MBNL1: variants seen among roughly 807,000 people sequenced by gnomAD.
MBNL1 encodes the protein muscleblind-like protein 1.
Under a neutral mutation model 42.2 loss-of-function variants are expected in MBNL1, and 8 were observed. The observed-to-expected ratio is 0.19, with a 90% CI of 0.11 to 0.34. The LOEUF is 0.34. Ranked by LOEUF, MBNL1 falls within the 10% of genes least tolerant of loss-of-function variation. MBNL1 has a pLI of 1.00. For missense variants in MBNL1, 309 were observed against 495.3 expected (o/e 0.62, Z 3.57); for synonymous variants, 169 against 173.9 (o/e 0.97, Z 0.22).
At chr3:152,376,350 T>TA (rs1220243796) in intron 2 of MBNL1, among the ~76,000 whole-genome samples, 3 of 152,202 alleles carry the variant, frequency 2.0e-5, no homozygotes, top group Admixed American at 6.5e-5. Context: ...CGAGGAAACA[T>TA]ACATTGAATT....
rs1212788437 is a variant in MBNL1 at position 152,464,109 on chromosome 3, T to C, written c.*1743T>C. 2 of 152,658 alleles carry C rather than the reference T, an allele frequency of 1.3e-5. No individual in the cohort carries two copies. Among genetic ancestry groups the C allele is most frequent in the East Asian group, 3.9e-4 (2 of 5,190 alleles). 9.5% of individuals were successfully genotyped at this position (152,658 alleles called of 1,614,324 possible). Reference sequence around the variant, plus strand: ...AGTTACATTATAGAATATTACTTATTTTTCTTGTTAAAATGTAGTTTTTCA... The same window carrying C: ...AGTTACATTATAGAATATTACTTATCTTTCTTGTTAAAATGTAGTTTTTCA... On this transcript the variant is annotated 3_prime_UTR_variant, in exon 10 of 10. Coordinates refer to ENST00000324210, the MANE Select transcript of MBNL1 (RefSeq NM_021038.5).
intron 2 of MBNL1, among the ~76,000 whole-genome samples, chr3:152,245,220 G>T (rs1049011327): frequency 5.9e-5 from 9 of 152,096 alleles, no homozygotes; most frequent in African/African-American, 1.4e-4. Context: ...ATTCAAATTT[G>T]CACTAATCCA....
chr3:152,336,268 A>G (rs1442814457), intron 2 of MBNL1, among the ~76,000 whole-genome samples: 1 of 151,806 alleles, frequency 6.6e-6, no homozygotes, highest in Non-Finnish European at 1.5e-5. Context: ...GGTTTGTTTC[A>G]TTTTTGTTGT....
chr3:152,428,268 AT>A (rs562013705), intron 3 of MBNL1, among the ~76,000 whole-genome samples: 60 of 152,352 alleles, frequency 3.9e-4, no homozygotes, highest in South Asian at 1.4e-3. Context: ...GAAGATCTGT[AT>A]AGATGCTAAA....
intron 2 of MBNL1, among the ~76,000 whole-genome samples, chr3:152,259,312 T>C (rs1281489653): frequency 1.3e-5 from 2 of 152,136 alleles, no homozygotes; most frequent in Non-Finnish European, 2.9e-5. Context: ...ATCTTTATAG[T>C]AGTAACTTGA....
At chr3:152,432,686 T>C (rs1476462321) in intron 3 of MBNL1, 31 bp from the exon 4 acceptor site, 1 of 1,587,430 alleles carries the variant, frequency 6.3e-7, no homozygotes. Context: ...GAGACCTGCA[T>C]GTTAAATTTT....
At chr3:152,279,500 G>C (rs1387919048) in intron 1 of MBNL1, among the ~76,000 whole-genome samples, 1 of 128,050 alleles carries the variant, frequency 7.8e-6, no homozygotes, top group Non-Finnish European at 1.7e-5. Flanking sequence ...TTATTTAAAA[G>C]GCTGTCAAAT....
chr3:152,397,429 C>T (rs978707460), intron 2 of MBNL1, among the ~76,000 whole-genome samples: 1 of 152,076 alleles, frequency 6.6e-6, no homozygotes, highest in African/African-American at 2.4e-5. Flanking sequence ...GATTGTTCAA[C>T]TCCTACTTAC....
intron 2 of MBNL1, among the ~76,000 whole-genome samples, chr3:152,357,992 G>GGTGTGT (rs10694488): frequency 3.3e-5 from 5 of 151,026 alleles, no homozygotes; most frequent in East Asian, 3.9e-4. Flanking sequence ...AAGTTAGAAG[G>GGTGTGT]GTGTGTGTGT....
In MBNL1 at chr3:152,288,225, A is replaced by T. The variant is rs566582264; in HGVS notation, c.-789-11180A>T. Among the ~76,000 whole-genome samples the T allele has an allele frequency of 3.3e-5, 5 of 152,340 alleles. No homozygotes were observed. In the East Asian group the frequency reaches 9.6e-4, roughly 29 times the overall value. ...AAGAAAGAGAGTTTGAGGAGGACAA[A>T]GTGAGGGCGGAATGTTTTTATTTTC... On this transcript the variant is annotated intron_variant, in intron 1 of 9. Coordinates refer to ENST00000324210, the MANE Select transcript of MBNL1 (RefSeq NM_021038.5).
intron 2 of MBNL1, among the ~76,000 whole-genome samples, chr3:152,249,094 T>TC (rs1456703780): frequency 6.8e-6 from 1 of 146,978 alleles, no homozygotes; most frequent in African/African-American, 2.5e-5. Flanking sequence ...GCATGTGTCT[T>TC]TATAGCAGCA....
At chr3:152,400,158 T>G (rs919668074) in intron 2 of MBNL1, among the ~76,000 whole-genome samples, 1 of 152,230 alleles carries the variant, frequency 6.6e-6, no homozygotes, top group African/African-American at 2.4e-5. Flanking sequence ...TGAGAGTTAA[T>G]GGTAGACGTT....
At chr3:152,425,863 T>C (rs2098921807) in intron 3 of MBNL1, among the ~76,000 whole-genome samples, 1 of 152,132 alleles carries the variant, frequency 6.6e-6, no homozygotes. Flanking sequence ...ATACTCAGTT[T>C]TGTAAATCAT....
intron 2 of MBNL1, among the ~76,000 whole-genome samples, chr3:152,247,588 A>C (rs2033398642): frequency 6.6e-6 from 1 of 152,020 alleles, no homozygotes; most frequent in Non-Finnish European, 1.5e-5. Flanking sequence ...CTGTTCATTA[A>C]TTTTTAATCT....
At chr3:152,416,316 C>G (rs751884125) in intron 3 of MBNL1, among the ~76,000 whole-genome samples, 5 of 152,130 alleles carry the variant, frequency 3.3e-5, no homozygotes, top group Non-Finnish European at 7.4e-5. Flanking sequence ...TTAACCTGAT[C>G]TGGTTTTTTC....
At chr3:152,297,881 C>T (rs1176492119) in intron 1 of MBNL1, among the ~76,000 whole-genome samples, 1 of 152,096 alleles carries the variant, frequency 6.6e-6, no homozygotes, top group East Asian at 1.9e-4. Flanking sequence ...GTCTTGAACT[C>T]CTGACCTTGT....
chr3:152,295,695 C>T (rs2058264100), intron 1 of MBNL1, among the ~76,000 whole-genome samples: 1 of 152,082 alleles, frequency 6.6e-6, no homozygotes, highest in Non-Finnish European at 1.5e-5. Flanking sequence ...TGACCCAGTC[C>T]TATAGAGAAG....
chr3:152,340,318 A>G, intron 2 of MBNL1: 1 of 577,662 alleles, frequency 1.7e-6, no homozygotes, highest in Non-Finnish European at 2.9e-6. Flanking sequence ...TCAAAAAGAA[A>G]AAGGGGAGAT....
intron 2 of MBNL1, among the ~76,000 whole-genome samples, chr3:152,392,841 T>G (rs1382460702): frequency 1.3e-5 from 2 of 152,238 alleles, no homozygotes; most frequent in South Asian, 4.1e-4. Context: ...TTATATGAGA[T>G]GTAAAAATAT....
Sources: gnomAD v4.1 joint callset for allele counts (sites outside exome capture counted in the v4.1 genomes callset) on GRCh38, gnomAD v4.1.1 for gene constraint, MANE v1.5 for transcripts, NCBI Gene and HGNC (gene_info 2026-07-23, HGNC 2026-07-21) for gene names.